The following NAALADL2 variants were observed in gnomAD, a reference collection of about 807,000 sequenced individuals.
NAALADL2 encodes the protein N-acetylated alpha-linked acidic dipeptidase like 2.
Under a neutral mutation model 87.2 loss-of-function variants are expected in NAALADL2, and 76 were observed. The observed-to-expected ratio is 0.87, with a 90% CI of 0.72 to 1.05. NAALADL2 has a LOEUF of 1.05. NAALADL2 is among the 50% of genes least tolerant of loss of function. The probability of loss-of-function intolerance (pLI) is 0.00; values close to 1 mark genes in which losing one functional copy is unlikely to be tolerated. For synonymous variants in NAALADL2, 354 were observed against 331.0 expected (o/e 1.07, Z -0.75); for missense variants, 1,089 against 945.8 (o/e 1.15, Z -1.99).
intron 2 of NAALADL2, among the ~76,000 whole-genome samples, chr3:175,127,062 G>C (rs1187731118): frequency 1.3e-5 from 2 of 151,966 alleles, no homozygotes; most frequent in African/African-American, 4.8e-5. Flanking sequence ...CCATTGCTTT[G>C]AGCTTGGCCT....
At chr3:175,701,905 T>C (rs1739051484) in intron 11 of NAALADL2, among the ~76,000 whole-genome samples, 1 of 152,178 alleles carries the variant, frequency 6.6e-6, no homozygotes, top group Non-Finnish European at 1.5e-5. Flanking sequence ...ATCAATTGTA[T>C]TATGTGCCTC....
In NAALADL2 at chr3:174,564,174, G is replaced by A. The variant is rs74741068; in HGVS notation, c.-115+13537G>A. On this transcript the variant is annotated intron_variant, in intron 2 of 3. Transcript: ENST00000434257. ...CAGTAGCCGGGGGGCTAGTTGGGTT[G>A]GAGGGGTACTTTTACGTATTTAGCA... Among the ~76,000 whole-genome samples the A allele has an allele frequency of 4.1e-3, 620 of 152,264 alleles. 2 individuals are homozygous for A. The highest frequency in any genetic ancestry group is 6.6e-3 in the Non-Finnish European group (449 of 68,012).
At chr3:175,319,317 A>G (rs916594748) in intron 4 of NAALADL2, among the ~76,000 whole-genome samples, 2 of 152,252 alleles carry the variant, frequency 1.3e-5, no homozygotes, top group Admixed American at 6.5e-5. Flanking sequence ...TTATTTAATC[A>G]TAAAAATAAT....
chr3:175,227,827 A>G (rs889758355), intron 2 of NAALADL2, among the ~76,000 whole-genome samples: 1 of 151,998 alleles, frequency 6.6e-6, no homozygotes, highest in Non-Finnish European at 1.5e-5. Context: ...TAGAACTATG[A>G]ACTCATATGA....
intron 5 of NAALADL2, among the ~76,000 whole-genome samples, chr3:175,427,758 A>G (rs1398379844): frequency 6.6e-6 from 1 of 150,978 alleles, no homozygotes; most frequent in Non-Finnish European, 1.5e-5. Context: ...TAAAATTTGC[A>G]TATTTTTATA....
In NAALADL2 at chr3:175,126,856, C is replaced by CTTT. The variant is rs201786673; in HGVS notation, c.545+29580_545+29582dup. ...AGGGCATTCAACTTGTTCAAGCTACCTTTTTTTTTTTTTTTTTAAGAATGT... is the reference window on the plus strand; with the variant it reads ...AGGGCATTCAACTTGTTCAAGCTACCTTTTTTTTTTTTTTTTTTTTAAGAATGT... On this transcript the variant is annotated intron_variant, in intron 2 of 13. Coordinates refer to ENST00000454872, the MANE Select transcript of NAALADL2 (RefSeq NM_207015.3). Among the ~76,000 whole-genome samples the CTTT allele has an allele frequency of 1.0e-4, 14 of 140,318 alleles. No individual in the cohort carries two copies. In the South Asian group the frequency reaches 2.8e-3, roughly 28 times the overall value. 92.1% of individuals were successfully genotyped at this position (140,318 alleles called of 152,430 possible).
At chr3:174,481,634 A>G (rs1157023210) in intron 1 of NAALADL2, among the ~76,000 whole-genome samples, 1 of 152,104 alleles carries the variant, frequency 6.6e-6, no homozygotes, top group Non-Finnish European at 1.5e-5. Context: ...ACAGGACTCA[A>G]CATATAGTTG....
At chr3:175,658,790 A>G (rs1287753000) in intron 11 of NAALADL2, among the ~76,000 whole-genome samples, 2 of 152,146 alleles carry the variant, frequency 1.3e-5, no homozygotes, top group Non-Finnish European at 2.9e-5. Flanking sequence ...ATTATTATCT[A>G]AAGTTGTACA....
intron 1 of NAALADL2, among the ~76,000 whole-genome samples, chr3:174,550,081 T>C (rs890039264): frequency 6.6e-6 from 1 of 152,152 alleles, no homozygotes; most frequent in Non-Finnish European, 1.5e-5. Flanking sequence ...AAATGTAATG[T>C]TCATATTTAT....
intron 2 of NAALADL2, among the ~76,000 whole-genome samples, chr3:174,626,853 T>A (rs555381902): frequency 6.6e-6 from 1 of 152,206 alleles, no homozygotes; most frequent in African/African-American, 2.4e-5. Flanking sequence ...ATAATGGTCT[T>A]AAGCAAGCTG....
At chr3:175,369,939 T>A (rs1766239143) in intron 5 of NAALADL2, among the ~76,000 whole-genome samples, 1 of 152,290 alleles carries the variant, frequency 6.6e-6, no homozygotes, top group African/African-American at 2.4e-5. Context: ...AATGTGAAAG[T>A]TTCCCTTAAC....
chr3:175,081,767 T>C (rs1032524752), intron 1 of NAALADL2, among the ~76,000 whole-genome samples: 2 of 152,232 alleles, frequency 1.3e-5, no homozygotes, highest in Non-Finnish European at 2.9e-5. Flanking sequence ...TCCGAACTGG[T>C]AAAGTGTACA....
chr3:175,072,326 T>C (rs534343795), intron 1 of NAALADL2, among the ~76,000 whole-genome samples: 1 of 152,190 alleles, frequency 6.6e-6, no homozygotes, highest in Admixed American at 6.5e-5. Context: ...TTCAAAAGGT[T>C]TTATTTAGAT....
intron 6 of NAALADL2, among the ~76,000 whole-genome samples, chr3:175,457,275 C>T (rs1165787696): frequency 6.6e-6 from 1 of 152,072 alleles, no homozygotes; most frequent in Non-Finnish European, 1.5e-5. Context: ...AGCAGATGTC[C>T]TTCTCACTCT....
At chr3:175,018,438 A>T (rs1751139456) in intron 1 of NAALADL2, among the ~76,000 whole-genome samples, 1 of 152,028 alleles carries the variant, frequency 6.6e-6, no homozygotes. Flanking sequence ...TTAATTTTTT[A>T]TTTATACTGC....
intron 3 of NAALADL2, among the ~76,000 whole-genome samples, chr3:174,805,852 T>C (rs1326873146): frequency 2.6e-5 from 4 of 151,948 alleles, no homozygotes; most frequent in African/African-American, 4.8e-5. Flanking sequence ...GCATTTTATG[T>C]GTAAGTACAT....
At chr3:174,685,815 C>T (rs778436782) in intron 2 of NAALADL2, among the ~76,000 whole-genome samples, 3 of 151,742 alleles carry the variant, frequency 2.0e-5, no homozygotes, top group Middle Eastern at 3.4e-3. Context: ...GATCTTCTCC[C>T]TCCTCCCACC....
chr3:175,529,285 CCA>C (rs1471127595), intron 9 of NAALADL2, among the ~76,000 whole-genome samples: 2 of 152,286 alleles, frequency 1.3e-5, no homozygotes, highest in South Asian at 2.1e-4. Context: ...CCCAAAGTGT[CCA>C]GATGGCAATC....
chr3:175,006,424 C>T (rs1208288145), intron 1 of NAALADL2, among the ~76,000 whole-genome samples: 1 of 152,130 alleles, frequency 6.6e-6, no homozygotes, highest in Non-Finnish European at 1.5e-5. Context: ...GCAGTAAATA[C>T]TCTTTGAATG....
Sources: gnomAD v4.1 joint callset for allele counts (sites outside exome capture counted in the v4.1 genomes callset) on GRCh38, gnomAD v4.1.1 for gene constraint, MANE v1.5 for transcripts, NCBI Gene and HGNC (gene_info 2026-07-23, HGNC 2026-07-21) for gene names.